IGDCC4: variants seen among roughly 807,000 people sequenced by gnomAD.
IGDCC4 encodes the protein likely ortholog of mouse neighbor of Punc E11.
In IGDCC4, 72 loss-of-function variants were observed where a neutral mutation model predicts 116.6. That is an observed-to-expected ratio of 0.62 (90% confidence interval 0.51 to 0.75). IGDCC4 has a LOEUF of 0.75. IGDCC4 is among the 30% of genes least tolerant of loss of function. The pLI, the probability that IGDCC4 is intolerant of heterozygous loss-of-function variation, is 0.00. For synonymous variants in IGDCC4, 709 were observed against 719.9 expected (o/e 0.98, Z 0.24); for missense variants, 1,501 against 1,662.4 (o/e 0.90, Z 1.69).
At chr15:65,409,839 C>T (rs2063073542) in intron 3 of IGDCC4, among the ~76,000 whole-genome samples, 2 of 152,184 alleles carry the variant, frequency 1.3e-5, no homozygotes, top group African/African-American at 4.8e-5. Flanking sequence ...CAACATTCTG[C>T]CAATGGCTCA....
chr15:65,411,464 T>C, intron 1 of IGDCC4, 94 bp from the exon 2 acceptor site: 1 of 1,079,624 alleles, frequency 9.3e-7, no homozygotes, highest in East Asian at 2.7e-5. Flanking sequence ...CTGGGGCAAA[T>C]CAAGGAGAAA....
chr15:65,392,254 C>T lies in IGDCC4; in HGVS notation c.2002G>A (p.Val668Met). The part of the protein sequence containing the change: ...ISGYKLYWRE[V>M]GAEEEANGDR... Reference sequence around the variant, plus strand: ...CCATTGGCCTCCTCCTCAGCCCCCACCTCCCGCCAATATAGTTTGTAGCCA... The same window carrying T: ...CCATTGGCCTCCTCCTCAGCCCCCATCTCCCGCCAATATAGTTTGTAGCCA... The change falls in exon 11 of 20, where the codon GTG becomes ATG. Residue 668 changes from valine (V) to methionine (M), a missense_variant. Val to Met is a conservative substitution (Grantham distance 21). Transcript: ENST00000352385. 1 of 1,610,964 alleles carries T rather than the reference C, an allele frequency of 6.2e-7. No individual in the cohort carries two copies. The highest frequency in any genetic ancestry group is 8.5e-7 in the Non-Finnish European group (1 of 1,178,034).
At chr15:65,390,864 A>C (rs1228999383) in intron 12 of IGDCC4, among the ~76,000 whole-genome samples, 1 of 152,248 alleles carries the variant, frequency 6.6e-6, no homozygotes, top group Non-Finnish European at 1.5e-5. Flanking sequence ...GTTGTCCACC[A>C]CTAAATTCCC....
At chr15:65,405,686 C>T (rs945326986) in intron 3 of IGDCC4, among the ~76,000 whole-genome samples, 2 of 152,160 alleles carry the variant, frequency 1.3e-5, no homozygotes, top group African/African-American at 2.4e-5. Flanking sequence ...TGCAAGGAGA[C>T]GCTCAAATTG....
At chr15:65,415,353 CTGGCAGGCAGGA>C (rs2063133054) in intron 1 of IGDCC4, among the ~76,000 whole-genome samples, 1 of 152,218 alleles carries the variant, frequency 6.6e-6, no homozygotes, top group Admixed American at 6.5e-5. Context: ...AGCCTGGGCT[CTGGCAGGCAGGA>C]CGGCCGCCAG....
intron 13 of IGDCC4, among the ~76,000 whole-genome samples, chr15:65,389,942 C>T (rs375551850): frequency 8.5e-5 from 13 of 152,226 alleles, no homozygotes; most frequent in African/African-American, 3.1e-4. Flanking sequence ...TGTGAGGGGA[C>T]GGGATTGGAT....
At chr15:65,386,446 C>T in intron 17 of IGDCC4, 105 bp downstream of exon 17, 2 of 944,334 alleles carry the variant, frequency 2.1e-6, no homozygotes, top group Admixed American at 2.0e-5. Flanking sequence ...AACGGGGCTC[C>T]TGGGAGTGCC....
Position 65,392,284 on chromosome 15 carries a change from T to G in IGDCC4, c.1972A>C (p.Ile658Leu), listed in dbSNP as rs1323927296. ...CGCCAATATAGTTTGTAGCCAGAGATCTGGGTGGGGTGAGGGGGTGGCTGC... is the reference window on the plus strand; with the variant it reads ...CGCCAATATAGTTTGTAGCCAGAGAGCTGGGTGGGGTGAGGGGGTGGCTGC... ...SWQPPPHPTQ[I>L]SGYKLYWREV... The change falls in exon 11 of 20, where the codon ATC becomes CTC. Residue 658 changes from isoleucine to leucine, a missense_variant. Transcript: ENST00000352385. 6.2e-7 allele frequency: 1 copy of G among 1,605,666 alleles called. No individual in the cohort carries two copies. The highest frequency in any genetic ancestry group is 1.7e-4 in the Middle Eastern group (1 of 6,024).
intron 2 of IGDCC4, chr15:65,410,766 C>A: frequency 1.9e-6 from 1 of 534,466 alleles, no homozygotes; most frequent in Non-Finnish European, 3.3e-6. Context: ...CAGCACAAGC[C>A]CAGACTCTAG....
In IGDCC4 at chr15:65,418,390, C is replaced by A. The variant is rs543624558; in HGVS notation, c.70+4403G>T. Among the ~76,000 whole-genome samples the A allele has an allele frequency of 4.6e-5, 7 of 152,258 alleles. No individual in the cohort carries two copies. The East Asian group carries it at 1.4e-3, about 29-fold the overall frequency. On this transcript the variant is annotated intron_variant, in intron 1 of 19. Transcript: ENST00000352385. ...CTCCCAGTACTTTCTGCTCACTGGCCAGAGCTTTGTCCTGCAAACTATCTA... is the reference window on the plus strand; with the variant it reads ...CTCCCAGTACTTTCTGCTCACTGGCAAGAGCTTTGTCCTGCAAACTATCTA...
intron 7 of IGDCC4, 137 bp from the exon 8 acceptor site, chr15:65,395,395 G>T: frequency 9.2e-6 from 8 of 871,528 alleles, no homozygotes; most frequent in East Asian, 2.8e-5. Context: ...GAGCTGGAGT[G>T]TATAAACTCC....
At chr15:65,404,265 C>T (rs1282006477) in intron 3 of IGDCC4, among the ~76,000 whole-genome samples, 2 of 152,200 alleles carry the variant, frequency 1.3e-5, no homozygotes, top group African/African-American at 2.4e-5. Context: ...GGCAAACCCA[C>T]CTCTGCCCCC....
chr15:65,407,717 C>T (rs958776207), intron 3 of IGDCC4, among the ~76,000 whole-genome samples: 1 of 147,080 alleles, frequency 6.8e-6, no homozygotes, highest in Non-Finnish European at 1.5e-5. Flanking sequence ...AGCTCCACCT[C>T]CCGGGTTCAA....
At chr15:65,394,002 T>G (rs1388681410) in intron 9 of IGDCC4, among the ~76,000 whole-genome samples, 1 of 152,112 alleles carries the variant, frequency 6.6e-6, no homozygotes, top group Non-Finnish European at 1.5e-5. Flanking sequence ...TAACTTTTTA[T>G]CCTTTTATTT....
chr15:65,383,510 T>A lies in IGDCC4; in HGVS notation c.*499A>T, dbSNP rs2091421342. 6.5e-6 allele frequency: 1 copy of A among 153,012 alleles called. No homozygotes were observed. The highest frequency in any genetic ancestry group is 6.5e-5 in the Admixed American group (1 of 15,304). The allele number at this position is 153,012 out of a possible 1,614,324, so 9.5% of individuals were successfully genotyped here. A position where few individuals can be genotyped will look rare whatever the true frequency, so the allele number is the denominator to read the frequency against. The stretch of plus-strand genomic sequence containing the variant: ...GAGCTGGGAGGTGATGCAGCTGAAA[T>A]GCCAGGCATTCAGAGCCTGCTTGCA... On this transcript the variant is annotated 3_prime_UTR_variant, in exon 20 of 20. Transcript: ENST00000352385.
intron 12 of IGDCC4, 21 bp from the exon 13 acceptor site, chr15:65,390,359 T>C: frequency 6.4e-7 from 1 of 1,558,516 alleles, no homozygotes; most frequent in South Asian, 1.2e-5. Flanking sequence ...AAAACTAGAG[T>C]GTGAGGAAGG....
intron 10 of IGDCC4, among the ~76,000 whole-genome samples, chr15:65,392,645 C>G (rs1234150057): frequency 6.6e-6 from 1 of 152,146 alleles, no homozygotes; most frequent in African/African-American, 2.4e-5. Flanking sequence ...AAGGGGTCAG[C>G]AAGGAGCACC....
chr15:65,396,330 C>CCCATT, intron 6 of IGDCC4, 167 bp from the exon 7 acceptor site: 1 of 783,308 alleles, frequency 1.3e-6, no homozygotes. Context: ...CAGCGCAGAC[C>CCCATT]TACCCTTTCT....
intron 3 of IGDCC4, among the ~76,000 whole-genome samples, chr15:65,405,201 A>G (rs2063029951): frequency 6.6e-6 from 1 of 151,786 alleles, no homozygotes. Context: ...AAGTTATATT[A>G]GGATATACAT....
Sources: gnomAD v4.1 joint callset for allele counts (sites outside exome capture counted in the v4.1 genomes callset) on GRCh38, gnomAD v4.1.1 for gene constraint, MANE v1.5 for transcripts, NCBI Gene and HGNC (gene_info 2026-07-23, HGNC 2026-07-21) for gene names.